Variants in AP3B2 observed in about 807,000 individuals in gnomAD.
AP3B2 encodes AP-3 complex subunit beta-2.
Under a neutral mutation model 126.9 loss-of-function variants are expected in AP3B2, and 50 were observed. The observed-to-expected ratio is 0.39, with a 90% confidence interval of 0.31 to 0.50. The LOEUF (loss-of-function observed/expected upper bound fraction) is 0.50. Among genes scored for constraint, AP3B2 ranks in the 20% least tolerant of loss-of-function variants. The pLI, the probability that AP3B2 is intolerant of heterozygous loss-of-function variation, is 0.79. For missense variants in AP3B2, 1,177 were observed against 1,426.4 expected (o/e 0.83, Z 2.82); for synonymous variants, 541 against 565.0 (o/e 0.96, Z 0.60).
chr15:82,707,337 G>A (rs768590174), intron 1 of AP3B2, among the ~76,000 whole-genome samples: 5 of 152,118 alleles, frequency 3.3e-5, no homozygotes, highest in Non-Finnish European at 5.9e-5. Context: ...GCCTGTCCTC[G>A]GAATGCTGCA....
chr15:82,686,303 G>A (rs1379597242), intron 4 of AP3B2: 3 of 152,306 alleles, frequency 2.0e-5, no homozygotes, highest in Admixed American at 1.3e-4. Context: ...AAGTGAACAC[G>A]GCCCTAGCCT....
intron 1 of AP3B2, chr15:82,691,727 T>G: frequency 6.4e-7 from 1 of 1,563,378 alleles, no homozygotes; most frequent in South Asian, 1.2e-5. Flanking sequence ...CCTGTCTCAG[T>G]AGGGCCTGAA....
At position 82,659,866 on chromosome 15, in the gene AP3B2, C is replaced by G. The variant is rs987936295; in HGVS notation, c.3134G>C (p.Cys1045Ser). Residue 1045 changes from cysteine to serine, a missense_variant, in exon 26 of 27, where the codon TGT becomes TCT. Cys to Ser is a moderately radical substitution (Grantham distance 112, BLOSUM62 -1). This residue lies in a region of AP3B2 where 587 missense variants were observed against 571.3 expected (regional missense o/e 1.03). Coordinates refer to ENST00000535359, the MANE Select transcript of AP3B2 (RefSeq NM_001278512.2). ...GTACCTGTACTCATCAGATGTCCCA[C>G]AAGGAACACGACCCAGGTTGGCAGT... ...TATANLGRVP[C>S]GTSDEYRFAG... 1 of 1,613,990 alleles carries G rather than the reference C, an allele frequency of 6.2e-7. No individual in the cohort carries two copies. The highest frequency in any genetic ancestry group is 8.5e-7 in the Non-Finnish European group (1 of 1,179,876).
intron 1 of AP3B2, among the ~76,000 whole-genome samples, chr15:82,696,209 T>C (rs1222193473): frequency 6.6e-6 from 1 of 152,122 alleles, no homozygotes; most frequent in Non-Finnish European, 1.5e-5. Flanking sequence ...ACATATGCAT[T>C]TTGGAGGGAC....
intron 14 of AP3B2, among the ~76,000 whole-genome samples, chr15:82,674,516 A>G (rs1418920229): frequency 6.6e-6 from 1 of 152,194 alleles, no homozygotes; most frequent in East Asian, 1.9e-4. Flanking sequence ...AGCTGTATAT[A>G]CCCACAGCTC....
chr15:82,680,334 C>T lies in AP3B2; in HGVS notation c.1056-105G>A. The T allele has an allele frequency of 4.5e-6, 7 of 1,549,584 alleles. No individual in the cohort carries two copies. The highest frequency in any genetic ancestry group is 6.1e-6 in the Non-Finnish European group (7 of 1,141,562). ...AGTCGTTGCGGGGAGAGGACCAGTG[C>T]GGAGGGCAGGACTACGGTCAGTGTG... On this transcript the variant is annotated intron_variant, in intron 8 of 26. Transcript: ENST00000535359. The surrounding 1 kb of genome is among the most constrained non-coding windows in gnomAD (Gnocchi z 6.1).
chr15:82,667,462 T>G (rs1166483755), intron 14 of AP3B2, among the ~76,000 whole-genome samples: 3 of 152,224 alleles, frequency 2.0e-5, no homozygotes, highest in African/African-American at 7.2e-5. Flanking sequence ...CTCAGAGGTC[T>G]TTATCCTTCC....
Position 82,665,623 on chromosome 15 carries a change from C to T in AP3B2, c.1853-48G>A, listed in dbSNP as rs2048045174. 8 of 1,474,298 alleles carry T rather than the reference C, an allele frequency of 5.4e-6. No homozygotes were observed. The highest frequency in any genetic ancestry group is 7.6e-6 in the Non-Finnish European group (8 of 1,059,588). The allele number at this position is 1,474,298 out of a possible 1,614,324, so 91.3% of individuals were successfully genotyped here. A position where few individuals can be genotyped will look rare whatever the true frequency, so the allele number is the denominator to read the frequency against. On this transcript the variant is annotated intron_variant, in intron 15 of 26. Coordinates refer to ENST00000535359, the MANE Select transcript of AP3B2 (RefSeq NM_001278512.2). The surrounding 1 kb of genome is among the most constrained non-coding windows in gnomAD (Gnocchi z 4.4). ...GGCAGGTAGCAGCAGTGAGGGAAAG[C>T]TCTGGGAGCTGTTTTCCAGGTGGGG... is the stretch of plus-strand genomic sequence containing the variant.
chr15:82,679,620 G>C, intron 10 of AP3B2, 109 bp downstream of exon 10: 1 of 1,059,678 alleles, frequency 9.4e-7, no homozygotes, highest in Non-Finnish European at 1.4e-6. Context: ...GGGCTCCTGG[G>C]CTCAGCCCCA....
intron 1 of AP3B2, among the ~76,000 whole-genome samples, chr15:82,696,755 T>C (rs1178442193): frequency 6.6e-6 from 1 of 152,218 alleles, no homozygotes; most frequent in African/African-American, 2.4e-5. Context: ...CCAGATGCCC[T>C]TGTGCAGTGA....
At chr15:82,697,569 C>T (rs1352506586) in intron 1 of AP3B2, among the ~76,000 whole-genome samples, 1 of 152,138 alleles carries the variant, frequency 6.6e-6, no homozygotes, top group African/African-American at 2.4e-5. Context: ...TGCAGAAATG[C>T]GTGAGTACCT....
chr15:82,663,709 G>A, intron 20 of AP3B2, 89 bp from the exon 21 acceptor site: 1 of 1,604,526 alleles, frequency 6.2e-7, no homozygotes, highest in Non-Finnish European at 8.5e-7. Context: ...TTCTGTTCTG[G>A]ATGGTAGGGA....
At chr15:82,667,051 C>A in intron 14 of AP3B2, 118 bp from the exon 15 acceptor site, 1 of 1,048,214 alleles carries the variant, frequency 9.5e-7, no homozygotes, top group Non-Finnish European at 1.4e-6. Flanking sequence ...TGCTTAGGAC[C>A]GGCGCTTCCA....
chr15:82,692,844 A>G (rs2048564474), intron 1 of AP3B2: 1 of 152,168 alleles, frequency 6.6e-6, no homozygotes, highest in Admixed American at 6.5e-5. Flanking sequence ...GCTGAGAGGA[A>G]TAAGGGTAAT....
chr15:82,700,379 C>T (rs2048698889), intron 1 of AP3B2, among the ~76,000 whole-genome samples: 1 of 83,978 alleles, frequency 1.2e-5, no homozygotes, highest in Admixed American at 1.6e-4. Context: ...ATGCCACTGG[C>T]CTGCCAGTGG....
At chr15:82,676,338 C>T (rs1422493326) in intron 14 of AP3B2, 123 bp downstream of exon 14, 3 of 1,034,020 alleles carry the variant, frequency 2.9e-6, no homozygotes, top group Non-Finnish European at 4.2e-6. Context: ...CAGCCACCTT[C>T]CCTGATTCTT....
In AP3B2 at chr15:82,665,257, T is replaced by C. The variant is rs1199858194; in HGVS notation, c.2018A>G (p.Glu673Gly). The C allele has an allele frequency of 6.5e-7, 1 of 1,539,534 alleles. No homozygotes were observed. The highest frequency in any genetic ancestry group is 8.7e-7 in the Non-Finnish European group (1 of 1,148,648). Residue 673 changes from glutamate to glycine, a missense_variant, in exon 17 of 27, where the codon GAA becomes GGA. Coordinates refer to ENST00000535359, the MANE Select transcript of AP3B2 (RefSeq NM_001278512.2). The surrounding 1 kb of genome is among the most constrained non-coding windows in gnomAD (Gnocchi z 4.4). Reference protein sequence around the residue: ...LIETHVGLLGEYTEVPEWTKC... With the variant: ...LIETHVGLLGGYTEVPEWTKC... ...ACACGAAGGTGGGACCTCAGTGTAT[T>C]CGCCCAACAGGCCCACGTGAGTCTC...
At chr15:82,672,443 A>G (rs1384001868) in intron 14 of AP3B2, among the ~76,000 whole-genome samples, 3 of 152,138 alleles carry the variant, frequency 2.0e-5, no homozygotes, top group Non-Finnish European at 4.4e-5. Flanking sequence ...AGAGTAGAAT[A>G]ATGGTTACCA....
At chr15:82,700,415 T>TTTTTTTTTTTTC (rs58240249) in intron 1 of AP3B2, among the ~76,000 whole-genome samples, 1 of 133,190 alleles carries the variant, frequency 7.5e-6, no homozygotes, top group Non-Finnish European at 1.6e-5. Flanking sequence ...TTTTTTTTTT[T>TTTTTTTTTTTTC]CAGATGGAGT....
Sources: gnomAD v4.1 joint callset for allele counts (sites outside exome capture counted in the v4.1 genomes callset) on GRCh38, gnomAD v4.1.1 for gene constraint, gnomAD v4.1.1 regional missense constraint, Gnocchi (gnomAD v3.1) non-coding constraint, MANE v1.5 for transcripts, NCBI Gene and HGNC (gene_info 2026-07-23, HGNC 2026-07-21) for gene names.